Variants in RERE observed in about 807,000 individuals in gnomAD.
RERE encodes the protein arginine-glutamic acid dipeptide repeats protein.
Under a neutral mutation model 146.1 loss-of-function variants are expected in RERE, and 40 were observed. The observed-to-expected ratio is 0.27, with a 90% CI of 0.21 to 0.36. The LOEUF is 0.36. RERE is among the 10% of genes least tolerant of loss of function. RERE has a pLI of 1.00. For synonymous variants in RERE, 1,003 were observed against 866.0 expected, an observed-to-expected ratio of 1.16 and a Z score of -2.78; for missense variants, 1,933 against 2,138.7, an observed-to-expected ratio of 0.90 and a Z score of 1.90.
chr1:8,567,225 A>G (rs563519015), intron 4 of RERE, among the ~76,000 whole-genome samples: 1 of 152,306 alleles, frequency 6.6e-6, no homozygotes, highest in East Asian at 1.9e-4. Flanking sequence ...TTCAAAACCT[A>G]TGAGTGGTAT....
chr1:8,670,454 G>C (rs920810652), intron 1 of RERE, among the ~76,000 whole-genome samples: 3 of 152,150 alleles, frequency 2.0e-5, no homozygotes, highest in Admixed American at 6.5e-5. Context: ...ACAATCTAGT[G>C]GGGGAGAGAG....
At chr1:8,693,888 C>T (rs1639263430) in intron 1 of RERE, among the ~76,000 whole-genome samples, 1 of 152,036 alleles carries the variant, frequency 6.6e-6, no homozygotes, top group East Asian at 1.9e-4. Flanking sequence ...AAACCCAAAA[C>T]CATTCTAAAA....
At position 8,352,967 on chromosome 1, in the gene RERE, T is replaced by C. The variant is rs1205185961; in HGVS notation, c.*2120A>G. The C allele has an allele frequency of 6.6e-5, 10 of 152,524 alleles. No homozygotes were observed. The highest frequency in any genetic ancestry group is 1.5e-4 in the Non-Finnish European group (10 of 68,048). 9.4% of individuals were successfully genotyped at this position (152,524 alleles called of 1,614,324 possible). A position where few individuals can be genotyped will look rare whatever the true frequency, so the allele number is the denominator to read the frequency against. On this transcript the variant is annotated 3_prime_UTR_variant, in exon 23 of 23. Transcript: ENST00000400908. Reference sequence around the variant, plus strand: ...AGAAGGTTTAACTGAATGGTAGATGTTGTGTTCTACCAAAAAGAAAGAAAA... The same window carrying C: ...AGAAGGTTTAACTGAATGGTAGATGCTGTGTTCTACCAAAAAGAAAGAAAA...
intron 6 of RERE, among the ~76,000 whole-genome samples, chr1:8,544,423 G>A (rs896916285): frequency 2.6e-5 from 4 of 151,998 alleles, no homozygotes; most frequent in Admixed American, 1.3e-4. Context: ...TAAACAAATC[G>A]TATATATGTA....
intron 7 of RERE, chr1:8,512,784 G>C (rs940305674): frequency 1.3e-5 from 2 of 152,142 alleles, no homozygotes; most frequent in African/African-American, 4.8e-5. Context: ...CAAAATGAGT[G>C]GGGGTAAAAA....
chr1:8,616,943 G>C (rs1046017203), intron 3 of RERE, among the ~76,000 whole-genome samples: 3 of 152,184 alleles, frequency 2.0e-5, no homozygotes, highest in African/African-American at 7.2e-5. Flanking sequence ...CATGCAAAAA[G>C]GATGTGGTCG....
intron 8 of RERE, among the ~76,000 whole-genome samples, chr1:8,500,534 T>G (rs571507502): frequency 6.6e-6 from 1 of 152,206 alleles, no homozygotes; most frequent in Non-Finnish European, 1.5e-5. Flanking sequence ...CAGGCTGGAG[T>G]GCAGTGGTGT....
intron 4 of RERE, among the ~76,000 whole-genome samples, chr1:8,601,626 CCACACACACACACACA>C (rs3082094): frequency 1.2e-3 from 118 of 94,980 alleles, no homozygotes; most frequent in African/African-American, 4.5e-3. Context: ...TCCAAGGTCA[CCACACACACACACACA>C]CACACACACA....
At chr1:8,363,947 T>C (rs778046482) in intron 15 of RERE, 109 bp downstream of exon 15, 2 of 1,012,750 alleles carry the variant, frequency 2.0e-6, no homozygotes, top group Non-Finnish European at 3.0e-6. Flanking sequence ...CTCCAGGACT[T>C]TGTCTGGTAA....
intron 10 of RERE, among the ~76,000 whole-genome samples, chr1:8,490,343 C>CA (rs530925995): frequency 0.02 from 1,467 of 75,108 alleles, 45 homozygotes; most frequent in African/African-American, 0.032. Flanking sequence ...GGCAACATCT[C>CA]AAAAAAAAAA....
At chr1:8,488,225 C>T (rs1053821861) in intron 10 of RERE, among the ~76,000 whole-genome samples, 2 of 151,882 alleles carry the variant, frequency 1.3e-5, no homozygotes, top group African/African-American at 4.8e-5. Context: ...AATTAAAATT[C>T]CATCAGACTT....
At chr1:8,362,611 A>G in intron 16 of RERE, 72 bp downstream of exon 16, 3 of 1,582,882 alleles carry the variant, frequency 1.9e-6, no homozygotes, top group Non-Finnish European at 2.6e-6. Context: ...GGAGCTGATC[A>G]CGAATACCAG....
At chr1:8,600,300 T>C (rs1452484486) in intron 4 of RERE, among the ~76,000 whole-genome samples, 2 of 152,210 alleles carry the variant, frequency 1.3e-5, no homozygotes, top group East Asian at 1.9e-4. Flanking sequence ...AACAGACTAA[T>C]ACACCATAGC....
At chr1:8,433,225 A>AAGC (rs1644118681) in intron 11 of RERE, among the ~76,000 whole-genome samples, 1 of 152,110 alleles carries the variant, frequency 6.6e-6, no homozygotes, top group African/African-American at 2.4e-5. Flanking sequence ...CAAAGCCTCA[A>AAGC]TTTCTATGTC....
intron 4 of RERE, among the ~76,000 whole-genome samples, chr1:8,577,828 C>T (rs1437183922): frequency 6.6e-6 from 1 of 152,174 alleles, no homozygotes; most frequent in Non-Finnish European, 1.5e-5. Flanking sequence ...GGTGCAGTGG[C>T]TCATGCCTTT....
At chr1:8,412,996 T>G (rs1290739155) in intron 12 of RERE, among the ~76,000 whole-genome samples, 1 of 152,186 alleles carries the variant, frequency 6.6e-6, no homozygotes, top group African/African-American at 2.4e-5. Context: ...TTGCTCACAC[T>G]GAAGAGCAAA....
chr1:8,815,641 C>T (rs1641896454), intron 1 of RERE, among the ~76,000 whole-genome samples: 1 of 152,108 alleles, frequency 6.6e-6, no homozygotes, highest in African/African-American at 2.4e-5. Context: ...TTCTGCCTCA[C>T]AAGGTTGCAA....
At chr1:8,469,469 A>G (rs917300668) in intron 10 of RERE, among the ~76,000 whole-genome samples, 8 of 152,102 alleles carry the variant, frequency 5.3e-5, no homozygotes, top group Admixed American at 5.2e-4. Flanking sequence ...AACTATAAAA[A>G]TTAGGCAGGC....
chr1:8,470,338 C>T (rs955718545), intron 10 of RERE, among the ~76,000 whole-genome samples: 2 of 152,160 alleles, frequency 1.3e-5, no homozygotes, highest in African/African-American at 4.8e-5. Context: ...TCTCGACTCA[C>T]TGCAACCTCC....
Sources: gnomAD v4.1 joint callset for allele counts (sites outside exome capture counted in the v4.1 genomes callset) on GRCh38, gnomAD v4.1.1 for gene constraint, MANE v1.5 for transcripts, NCBI Gene and HGNC (gene_info 2026-07-23, HGNC 2026-07-21) for gene names.